Variants in ZNF804A observed in about 807,000 individuals in gnomAD.
ZNF804A encodes the protein zinc finger protein 804A.
Under a neutral mutation model 16.5 loss-of-function variants are expected in ZNF804A, and 2 were observed. The observed-to-expected ratio is 0.12, with a 90% CI of 0.05 to 0.38. The LOEUF is 0.38. Ranked by LOEUF, ZNF804A falls within the 10% of genes least tolerant of loss-of-function variation. ZNF804A has a pLI of 0.99. For synonymous variants in ZNF804A, 534 were observed against 489.6 expected, an observed-to-expected ratio of 1.09 and a Z score of -1.20; for missense variants, 1,473 against 1,390.7, an observed-to-expected ratio of 1.06 and a Z score of -0.94.
At chr2:184,924,445 C>T (rs946777501) in intron 2 of ZNF804A, among the ~76,000 whole-genome samples, 9 of 151,578 alleles carry the variant, frequency 5.9e-5, no homozygotes, top group African/African-American at 2.2e-4. Flanking sequence ...TTTGGATCTT[C>T]TCTCTTTTTT....
chr2:184,672,694 G>A (rs1307394852), intron 1 of ZNF804A, among the ~76,000 whole-genome samples: 2 of 151,940 alleles, frequency 1.3e-5, no homozygotes, highest in Non-Finnish European at 2.9e-5. Flanking sequence ...TGACACAGAA[G>A]GTAGTGATGG....
At chr2:184,607,932 A>ATC (rs1691175809) in intron 1 of ZNF804A, among the ~76,000 whole-genome samples, 1 of 98,684 alleles carries the variant, frequency 1.0e-5, no homozygotes, top group African/African-American at 4.1e-5. Context: ...ACCTTGATGC[A>ATC]TCTCTTTTTT....
At chr2:184,667,535 A>G (rs1041878827) in intron 1 of ZNF804A, among the ~76,000 whole-genome samples, 5 of 151,940 alleles carry the variant, frequency 3.3e-5, no homozygotes, top group African/African-American at 1.2e-4. Flanking sequence ...AGCAATGTGA[A>G]TATAATTATG....
At chr2:184,716,449 G>A (rs912308230) in intron 1 of ZNF804A, among the ~76,000 whole-genome samples, 1 of 151,956 alleles carries the variant, frequency 6.6e-6, no homozygotes, top group Admixed American at 6.6e-5. Context: ...AGTAAAAATT[G>A]CAATTGGCGA....
At chr2:184,842,178 TG>T (rs1695447881) in intron 1 of ZNF804A, among the ~76,000 whole-genome samples, 1 of 152,172 alleles carries the variant, frequency 6.6e-6, no homozygotes, top group Non-Finnish European at 1.5e-5. Flanking sequence ...TATTTCCAAA[TG>T]GGATTTCCCT....
At chr2:184,662,115 A>AAGTC (rs1282783392) in intron 1 of ZNF804A, among the ~76,000 whole-genome samples, 1 of 151,948 alleles carries the variant, frequency 6.6e-6, no homozygotes, top group African/African-American at 2.4e-5. Flanking sequence ...TTTGTTAAGT[A>AAGTC]CTCTTTTTAA....
chr2:184,916,578 G>A (rs186326849), intron 2 of ZNF804A, among the ~76,000 whole-genome samples: 2 of 152,272 alleles, frequency 1.3e-5, no homozygotes, highest in East Asian at 1.9e-4. Context: ...GGCCTGGCAC[G>A]GTGGCTGACG....
rs753363137 is a variant in ZNF804A at position 184,936,877 on chromosome 2, T to C, written c.1481T>C (p.Met494Thr). ...CAGCAGAAGCAGGAAGACATTTGCA[T>C]GGGACCACTTTCAGATTACAAGGAT... Reference protein sequence around the residue: ...CSQQKQEDICMGPLSDYKDVS... With the variant: ...CSQQKQEDICTGPLSDYKDVS... Residue 494 changes from methionine (M) to threonine (T), a missense_variant, in exon 4 of 4, where the codon ATG becomes ACG. Physicochemically the swap from Met to Thr is moderately conservative, Grantham distance 81. Coordinates refer to ENST00000302277, the MANE Select transcript of ZNF804A (RefSeq NM_194250.2). The C allele has an allele frequency of 1.5e-5, 24 of 1,613,546 alleles. No individual in the cohort carries two copies. Among genetic ancestry groups the C allele is most frequent in the Non-Finnish European group, 1.9e-5 (23 of 1,179,764 alleles).
intron 1 of ZNF804A, among the ~76,000 whole-genome samples, chr2:184,765,389 A>T (rs1172735034): frequency 1.3e-5 from 2 of 152,192 alleles, no homozygotes; most frequent in Non-Finnish European, 2.9e-5. Context: ...AATGAAATCC[A>T]CAGGCAGACA....
intron 1 of ZNF804A, among the ~76,000 whole-genome samples, chr2:184,784,043 A>G (rs1271695920): frequency 1.3e-5 from 2 of 151,932 alleles, no homozygotes; most frequent in Non-Finnish European, 2.9e-5. Flanking sequence ...TAGTGAATTC[A>G]TTATCATGAA....
chr2:184,626,115 AC>A (rs1469925978), intron 1 of ZNF804A, among the ~76,000 whole-genome samples: 1 of 152,024 alleles, frequency 6.6e-6, no homozygotes, highest in Admixed American at 6.6e-5. Flanking sequence ...TGATCCACAC[AC>A]CTCGGCCTCC....
intron 1 of ZNF804A, among the ~76,000 whole-genome samples, chr2:184,758,709 A>G (rs942088071): frequency 3.9e-5 from 6 of 152,038 alleles, no homozygotes; most frequent in Non-Finnish European, 5.9e-5. Flanking sequence ...CTTCTATATT[A>G]TGACATAACT....
intron 1 of ZNF804A, among the ~76,000 whole-genome samples, chr2:184,817,374 A>C (rs928277652): frequency 2.6e-5 from 4 of 151,984 alleles, no homozygotes; most frequent in African/African-American, 9.7e-5. Flanking sequence ...AACATCAACA[A>C]AAAAGACCCC....
At chr2:184,884,215 G>T (rs990064153) in intron 2 of ZNF804A, among the ~76,000 whole-genome samples, 1 of 151,946 alleles carries the variant, frequency 6.6e-6, no homozygotes, top group African/African-American at 2.4e-5. Context: ...GCTACAAAAG[G>T]TATAAAATAC....
chr2:184,885,413 A>C (rs1684873866), intron 2 of ZNF804A, among the ~76,000 whole-genome samples: 1 of 152,194 alleles, frequency 6.6e-6, no homozygotes, highest in Non-Finnish European at 1.5e-5. Context: ...CACTATTCAC[A>C]ATAGCAAAGA....
At chr2:184,660,980 A>G (rs1692167605) in intron 1 of ZNF804A, among the ~76,000 whole-genome samples, 1 of 152,268 alleles carries the variant, frequency 6.6e-6, no homozygotes, top group African/African-American at 2.4e-5. Flanking sequence ...GTCTTGTGCA[A>G]TGAACTAATA....
At chr2:184,673,142 T>C (rs1357298986) in intron 1 of ZNF804A, among the ~76,000 whole-genome samples, 1 of 151,302 alleles carries the variant, frequency 6.6e-6, no homozygotes, top group African/African-American at 2.4e-5. Context: ...TATGAAAAGA[T>C]GAGAAGGAAA....
At chr2:184,841,317 T>C (rs911072360) in intron 1 of ZNF804A, among the ~76,000 whole-genome samples, 3 of 152,182 alleles carry the variant, frequency 2.0e-5, no homozygotes, top group Non-Finnish European at 4.4e-5. Flanking sequence ...TCTAACTAAA[T>C]ATTTTTGTTA....
chr2:184,794,477 T>C (rs1694600369), intron 1 of ZNF804A, among the ~76,000 whole-genome samples: 1 of 152,170 alleles, frequency 6.6e-6, no homozygotes, highest in Non-Finnish European at 1.5e-5. Context: ...ATAGTAGTCC[T>C]TTGTCAGATG....
Sources: gnomAD v4.1 joint callset for allele counts (sites outside exome capture counted in the v4.1 genomes callset) on GRCh38, gnomAD v4.1.1 for gene constraint, MANE v1.5 for transcripts, NCBI Gene and HGNC (gene_info 2026-07-23, HGNC 2026-07-21) for gene names.